CEP68: variants seen among roughly 807,000 people sequenced by gnomAD.
CEP68 encodes the protein centrosomal protein of 68 kDa.
CEP68 carries 26 observed loss-of-function variants against 55.3 expected under a neutral mutation model. That is an observed-to-expected ratio of 0.47 (90% CI 0.34 to 0.65). The LOEUF (loss-of-function observed/expected upper bound fraction) is 0.65. Ranked by LOEUF, CEP68 falls within the 30% of genes least tolerant of loss-of-function variation. The pLI is 0.01. For synonymous variants in CEP68, 402 were observed against 383.2 expected, an observed-to-expected ratio of 1.05 and a Z score of -0.57; for missense variants, 957 against 946.7, an observed-to-expected ratio of 1.01 and a Z score of -0.14.
Position 65,072,413 on chromosome 2 carries a change from G to A in CEP68, c.1317G>A (p.Arg439=). The change falls in exon 3 of 7, where the codon AGG becomes AGA. Residue 439 remains arginine (R), a synonymous_variant. Transcript: ENST00000377990. ...TTGATATGGGCTCTCCCCAGCTAAG[G>A]ACACGGGACAGAGGGTGGCCCTCGC... ...KHLDMGSPQL[R]TRDRGWPSPR... 1 of 1,614,040 alleles carries A rather than the reference G, an allele frequency of 6.2e-7. No homozygotes were observed. The highest frequency in any genetic ancestry group is 1.1e-5 in the South Asian group (1 of 91,086).
At position 65,085,884 on chromosome 2, in the gene CEP68, T is replaced by A. The variant is rs1423239267; in HGVS notation, c.*2250T>A. On this transcript the variant is annotated 3_prime_UTR_variant, in exon 7 of 7. Coordinates refer to ENST00000377990, the MANE Select transcript of CEP68 (RefSeq NM_015147.3). ...CCAGCAGCATTTCTATGAGCAAACA[T>A]GGCCAAATTAGAGTCAAGTAGCTGA... 6.6e-6 allele frequency: 1 copy of A among 152,008 alleles called. No homozygotes were observed. The highest frequency in any genetic ancestry group is 6.6e-5 in the Admixed American group (1 of 15,254). 9.4% of individuals were successfully genotyped at this position (152,008 alleles called of 1,614,324 possible). A position where few individuals can be genotyped will look rare whatever the true frequency, so the allele number is the denominator to read the frequency against.
intron 5 of CEP68, among the ~76,000 whole-genome samples, chr2:65,078,703 G>A (rs531158992): frequency 6.6e-6 from 1 of 151,592 alleles, no homozygotes; most frequent in African/African-American, 2.4e-5. Context: ...CACCATGCCC[G>A]GCTATTTTTT....
chr2:65,069,381 C>G lies in CEP68; in HGVS notation c.-46-18C>G. The G allele has an allele frequency of 8.1e-7, 1 of 1,231,366 alleles. No individual in the cohort carries two copies. Among genetic ancestry groups the G allele is most frequent in the East Asian group, 2.4e-5 (1 of 42,338 alleles). 76.3% of individuals were successfully genotyped at this position (1,231,366 alleles called of 1,614,324 possible). A position where few individuals can be genotyped will look rare whatever the true frequency, so the allele number is the denominator to read the frequency against. ...TGTAGAAGATTTATATTTTTCTCTC[C>G]CTTCCCCTGTTTTGTAGGAAGCTGA... On this transcript the variant is annotated intron_variant, in intron 1 of 6. Transcript: ENST00000377990.
chr2:65,058,774 T>G (rs181077187), intron 1 of CEP68, among the ~76,000 whole-genome samples: 6 of 152,266 alleles, frequency 3.9e-5, no homozygotes, highest in Non-Finnish European at 8.8e-5. Context: ...CCCAAAGTGC[T>G]GGGATTACAG....
rs751608894 is a variant in CEP68, at chr2:65,082,524, C to T, written c.2105-12C>T. 7 of 1,518,934 alleles carry T rather than the reference C, an allele frequency of 4.6e-6. No homozygotes were observed. In the South Asian group the frequency reaches 5.2e-5, roughly 11 times the overall value. The allele number at this position is 1,518,934 out of a possible 1,614,324, so 94.1% of individuals were successfully genotyped here. A position where few individuals can be genotyped will look rare whatever the true frequency, so the allele number is the denominator to read the frequency against. ...TTATTTCTGGTTTAATTTCTTTGAA[C>T]CTCATTGTTAGTTTTAGAGGATGTC... On this transcript the variant is annotated splice_polypyrimidine_tract_variant and intron_variant, in intron 5 of 6. Coordinates refer to ENST00000377990, the MANE Select transcript of CEP68 (RefSeq NM_015147.3).
chr2:65,059,663 T>C (rs928117014), intron 1 of CEP68, among the ~76,000 whole-genome samples: 1 of 152,234 alleles, frequency 6.6e-6, no homozygotes, highest in African/African-American at 2.4e-5. Context: ...GGAATGGTTG[T>C]AAAGCTATTT....
At chr2:65,057,337 G>C (rs1287464193) in intron 1 of CEP68, among the ~76,000 whole-genome samples, 3 of 152,202 alleles carry the variant, frequency 2.0e-5, no homozygotes, top group African/African-American at 4.8e-5. Flanking sequence ...TGTAACAAAG[G>C]TTGTTGGGTC....
intron 1 of CEP68, among the ~76,000 whole-genome samples, chr2:65,066,070 A>G (rs1332235646): frequency 6.6e-6 from 1 of 152,110 alleles, no homozygotes; most frequent in Non-Finnish European, 1.5e-5. Flanking sequence ...GGAACCAATC[A>G]TGGGCAGGAC....
In CEP68 at chr2:65,082,519, T is replaced by A. The variant is rs763472081; in HGVS notation, c.2105-17T>A. ...GGGTTTTATTTCTGGTTTAATTTCT[T>A]TGAACCTCATTGTTAGTTTTAGAGG... is the stretch of plus-strand genomic sequence containing the variant. On this transcript the variant is annotated splice_polypyrimidine_tract_variant and intron_variant, in intron 5 of 6. Transcript: ENST00000377990. The A allele has an allele frequency of 5.9e-6, 9 of 1,513,164 alleles. No individual in the cohort carries two copies. The highest frequency in any genetic ancestry group is 5.3e-6 in the Non-Finnish European group (6 of 1,133,572). 93.7% of individuals were successfully genotyped at this position (1,513,164 alleles called of 1,614,324 possible). A position where few individuals can be genotyped will look rare whatever the true frequency, so the allele number is the denominator to read the frequency against.
chr2:65,073,120 C>A, intron 3 of CEP68, 140 bp downstream of exon 3: 1 of 927,736 alleles, frequency 1.1e-6, no homozygotes, highest in Non-Finnish European at 1.7e-6. Context: ...TTATCTTATT[C>A]AGTCCTCACA....
chr2:65,071,255 G>A (rs947293917), intron 2 of CEP68, 199 bp from the exon 3 acceptor site: 59 of 589,126 alleles, frequency 1.0e-4, no homozygotes, highest in Non-Finnish European at 1.6e-4. Flanking sequence ...GAGTCATCTT[G>A]CTTCCCAGAC....
chr2:65,065,502 A>G (rs187637785), intron 1 of CEP68, among the ~76,000 whole-genome samples: 22 of 152,332 alleles, frequency 1.4e-4, no homozygotes, highest in Admixed American at 1.4e-3. Context: ...GAAAGGACAT[A>G]TAACGAAACC....
intron 1 of CEP68, among the ~76,000 whole-genome samples, chr2:65,056,908 T>A (rs1675636782): frequency 6.6e-6 from 1 of 152,156 alleles, no homozygotes; most frequent in South Asian, 2.1e-4. Flanking sequence ...GGGAGGTCAC[T>A]TTCCCTCAGG....
At chr2:65,058,601 G>A (rs919200499) in intron 1 of CEP68, among the ~76,000 whole-genome samples, 2 of 141,130 alleles carry the variant, frequency 1.4e-5, no homozygotes, top group South Asian at 2.3e-4. Flanking sequence ...CTTCCTCCCG[G>A]GTTCAAGCAA....
Position 65,083,641 on chromosome 2 carries a change from A to G in CEP68, c.*7A>G, listed in dbSNP as rs1668935444. Reference sequence around the variant, plus strand: ...AAATGCTGCCTTTTCTCTTTCAGGCATCTTCTCAGGCAGAGGTGCAACCTG... The same window carrying G: ...AAATGCTGCCTTTTCTCTTTCAGGCGTCTTCTCAGGCAGAGGTGCAACCTG... On this transcript the variant is annotated splice_region_variant and 3_prime_UTR_variant, in exon 7 of 7. Coordinates refer to ENST00000377990, the MANE Select transcript of CEP68 (RefSeq NM_015147.3). The G allele has an allele frequency of 6.6e-6, 1 of 152,224 alleles. No individual in the cohort carries two copies. The highest frequency in any genetic ancestry group is 1.5e-5 in the Non-Finnish European group (1 of 68,024). The allele number at this position is 152,224 out of a possible 1,614,324, so 9.4% of individuals were successfully genotyped here.
chr2:65,057,506 A>G (rs1675688866), intron 1 of CEP68, among the ~76,000 whole-genome samples: 1 of 152,198 alleles, frequency 6.6e-6, no homozygotes, highest in African/African-American at 2.4e-5. Context: ...TTTTGCGCAA[A>G]GCTTTTTAAA....
rs528296468 is a variant in CEP68, at chr2:65,069,790, G to A, written c.346G>A (p.Gly116Arg). 91 of 1,613,714 alleles carry A rather than the reference G, an allele frequency of 5.6e-5. 1 individual carries two copies. The highest frequency in any genetic ancestry group is 4.7e-4 in the South Asian group (43 of 91,070). Residue 116 changes from glycine (G) to arginine (R), a missense_variant, in exon 2 of 7, where the codon GGG becomes AGG. Coordinates refer to ENST00000377990, the MANE Select transcript of CEP68 (RefSeq NM_015147.3). ...GGGGTCTGGAGACCTTCTGCTCTCCGGGGAAAGCCAGGTAGGTACTAAGGC... is the reference window on the plus strand; with the variant it reads ...GGGGTCTGGAGACCTTCTGCTCTCCAGGGAAAGCCAGGTAGGTACTAAGGC... ...TMGSGDLLLS[G>R]ESQVEKTKLS...
rs560348659 is a variant in CEP68 at position 65,071,988 on chromosome 2, G to A, written c.892G>A (p.Glu298Lys). ...RHSPLWNPNK[E>K]YEDLLDYTYP... ...CTCCCCTCTCTGGAACCCAAATAAA[G>A]AGTATGAAGATCTGCTTGACTATAC... Residue 298 changes from glutamate (E) to lysine (K), a missense_variant, in exon 3 of 7, where the codon GAG becomes AAG. Transcript: ENST00000377990. 2.5e-6 allele frequency: 4 copies of A among 1,612,960 alleles called. No homozygotes were observed. The Admixed American group carries it at 5.0e-5, about 20-fold the overall frequency.
At chr2:65,082,805 A>T (rs1668894608) in intron 6 of CEP68, 96 bp downstream of exon 6, 1 of 1,047,308 alleles carries the variant, frequency 9.5e-7, no homozygotes, top group East Asian at 2.8e-5. Context: ...ACTATTATTT[A>T]AACAAATGAG....
Sources: gnomAD v4.1 joint callset for allele counts (sites outside exome capture counted in the v4.1 genomes callset) on GRCh38, gnomAD v4.1.1 for gene constraint, MANE v1.5 for transcripts, NCBI Gene and HGNC (gene_info 2026-07-23, HGNC 2026-07-21) for gene names.